Variants in ETHE1 observed in about 807,000 individuals in gnomAD.
ETHE1 encodes the protein ETHE1 persulfide dioxygenase.
In ETHE1, 16 loss-of-function variants were observed where a neutral mutation model predicts 25.7. The observed-to-expected ratio is 0.62, with a 90% CI of 0.42 to 0.95. The LOEUF is 0.95. ETHE1 is among the 40% of genes least tolerant of loss of function. The pLI is 0.00. For synonymous variants in ETHE1, 139 were observed against 135.9 expected, an observed-to-expected ratio of 1.02 and a Z score of -0.16; for missense variants, 300 against 333.6, an observed-to-expected ratio of 0.90 and a Z score of 0.79.
chr19:43,526,236 T>A lies in ETHE1; in HGVS notation c.340A>T (p.Ile114Phe), dbSNP rs143319354. The A allele has an allele frequency of 1.2e-4, 186 of 1,613,948 alleles. No individual in the cohort carries two copies. The African/African-American group carries it at 2.1e-3, about 18-fold the overall frequency. The change falls in exon 3 of 7, where the codon ATT becomes TTT. Residue 114 changes from isoleucine (I) to phenylalanine (F), a missense_variant. Coordinates refer to ENST00000292147, the MANE Select transcript of ETHE1 (RefSeq NM_014297.5). ...AAGCGGATGGAGTCTCCATCCTCAA[T>A]GTGTAAGTCAGCCTGGGCCCCACTA... ...RLSGAQADLH[I>F]EDGDSIRFGR...
At chr19:43,526,026 C>G in intron 3 of ETHE1, 175 bp downstream of exon 3, 2 of 877,014 alleles carry the variant, frequency 2.3e-6, no homozygotes, top group Non-Finnish European at 3.5e-6. Context: ...TGCCCCAGTG[C>G]CCCACCTGGG....
Position 43,523,236 on chromosome 19 carries a change from CCTTT to C in ETHE1, c.375+2961_375+2964del, listed in dbSNP as rs532277906. On this transcript the variant is annotated intron_variant, in intron 3 of 6. Transcript: ENST00000292147. ...CATACACATGTATAATATGTGGACTCCTTTCATTCCATGAATGTTAACAACTCGG... is the reference window on the plus strand; with the variant it reads ...CATACACATGTATAATATGTGGACTCCATTCCATGAATGTTAACAACTCGG... 7.4e-3 allele frequency among the ~76,000 whole-genome samples: 1,127 copies of C among 152,246 alleles called. 11 individuals carry two copies. The highest frequency in any genetic ancestry group is 0.026 in the African/African-American group (1,076 of 41,542).
intron 3 of ETHE1, 167 bp downstream of exon 3, chr19:43,526,034 G>A (rs2146018225): frequency 2.1e-6 from 2 of 973,800 alleles, no homozygotes; most frequent in Non-Finnish European, 3.1e-6. Flanking sequence ...TGCCCCACCT[G>A]GGTTTATGGT....
intron 3 of ETHE1, among the ~76,000 whole-genome samples, chr19:43,525,276 C>A (rs1972218750): frequency 6.6e-6 from 1 of 151,992 alleles, no homozygotes; most frequent in Non-Finnish European, 1.5e-5. Flanking sequence ...TTGCCTGCTT[C>A]CAGAGAAAGG....
At chr19:43,508,658 T>C in intron 5 of ETHE1, 117 bp downstream of exon 5, 1 of 902,596 alleles carries the variant, frequency 1.1e-6, no homozygotes, top group Non-Finnish European at 1.8e-6. Flanking sequence ...CACTTAATTT[T>C]TTTTGGCCAG....
chr19:43,522,770 A>G (rs4802185), intron 3 of ETHE1, among the ~76,000 whole-genome samples: 26,549 of 152,148 alleles, frequency 0.17, 2,410 homozygotes, highest in Non-Finnish European at 0.19. Flanking sequence ...CATGAGCCTG[A>G]CCTAAAATCC....
At chr19:43,519,459 CA>C (rs1972097153) in intron 3 of ETHE1, among the ~76,000 whole-genome samples, 1 of 152,166 alleles carries the variant, frequency 6.6e-6, no homozygotes, top group African/African-American at 2.4e-5. Context: ...ATTTCCGCAA[CA>C]GCCCAGCCTG....
intron 5 of ETHE1, among the ~76,000 whole-genome samples, chr19:43,508,346 C>CTTTTTTTTT: frequency 8.0e-6 from 1 of 124,710 alleles, no homozygotes. Context: ...CACTTTATCT[C>CTTTTTTTTT]TTTTTTTTTT....
intron 3 of ETHE1, among the ~76,000 whole-genome samples, chr19:43,512,099 G>A (rs1971930454): frequency 6.6e-6 from 1 of 152,184 alleles, no homozygotes; most frequent in Non-Finnish European, 1.5e-5. Flanking sequence ...CAGCCATGTG[G>A]AACTATGAGT....
intron 3 of ETHE1, among the ~76,000 whole-genome samples, chr19:43,517,168 A>G (rs1452907410): frequency 6.6e-6 from 1 of 151,386 alleles, no homozygotes; most frequent in African/African-American, 2.4e-5. Context: ...ATGCACCCAT[A>G]CAGCCATTCT....
intron 3 of ETHE1, among the ~76,000 whole-genome samples, chr19:43,525,157 A>C (rs1037142595): frequency 2.0e-5 from 3 of 151,856 alleles, no homozygotes; most frequent in African/African-American, 4.8e-5. Flanking sequence ...AAAGAAAGAA[A>C]AAAAAAAAAC....
Position 43,511,426 on chromosome 19 carries a change from G to A in ETHE1, c.505+11C>T. ...TATGAAGATCTTGGGCTGGATAAAG[G>A]AGCTGGTCACCTTGCTGGAAGTCTG... On this transcript the variant is annotated intron_variant, in intron 4 of 6. Transcript: ENST00000292147. 6.2e-7 allele frequency: 1 copy of A among 1,614,148 alleles called. No individual in the cohort carries two copies.
chr19:43,516,176 C>T (rs930214471), intron 3 of ETHE1, among the ~76,000 whole-genome samples: 6 of 152,080 alleles, frequency 3.9e-5, no homozygotes, highest in South Asian at 2.1e-4. Context: ...TTCTTGGATC[C>T]GGAATATATA....
At chr19:43,512,773 T>C (rs922042495) in intron 3 of ETHE1, among the ~76,000 whole-genome samples, 3 of 150,630 alleles carry the variant, frequency 2.0e-5, no homozygotes, top group African/African-American at 7.3e-5. Flanking sequence ...TGAGGAAAAA[T>C]TCAAGCCTGC....
At position 43,526,579 on chromosome 19, in the gene ETHE1, G is replaced by T. The variant is rs1454201974; in HGVS notation, c.162C>A (p.Val54=). 3 of 1,613,928 alleles carry T rather than the reference G, an allele frequency of 1.9e-6. No homozygotes were observed. The African/African-American group carries it at 4.0e-5, about 22-fold the overall frequency. The change falls in exon 2 of 7, where the codon GTC becomes GTA. Residue 54 remains valine, a synonymous_variant. Coordinates refer to ENST00000292147, the MANE Select transcript of ETHE1 (RefSeq NM_014297.5). ...GGGCATCCCGAGGCGCTGTTTCCAGGACTGGGTCGATCAGAACGGCCTCCC... is the reference window on the plus strand; with the variant it reads ...GGGCATCCCGAGGCGCTGTTTCCAGTACTGGGTCGATCAGAACGGCCTCCC... ...ESREAVLIDP[V]LETAPRDAQL...
At chr19:43,518,725 T>C (rs1600005104) in intron 3 of ETHE1, among the ~76,000 whole-genome samples, 1 of 120,888 alleles carries the variant, frequency 8.3e-6, no homozygotes, top group Admixed American at 1.1e-4. Context: ...CACTCCAGCC[T>C]GGGCGACAGA....
chr19:43,526,701 C>T (rs1194318765), intron 1 of ETHE1, 42 bp from the exon 2 acceptor site: 1 of 1,611,952 alleles, frequency 6.2e-7, no homozygotes, highest in Non-Finnish European at 8.5e-7. Context: ...AACCGGACTT[C>T]CACCCACTGG....
chr19:43,520,756 A>C (rs1015160354), intron 3 of ETHE1, among the ~76,000 whole-genome samples: 1 of 152,068 alleles, frequency 6.6e-6, no homozygotes, highest in African/African-American at 2.4e-5. Context: ...TTTTCATAAT[A>C]AAATGTTGGA....
In ETHE1 at chr19:43,518,693, G is replaced by T. The variant is rs553786154; in HGVS notation, c.376-7127C>A. On this transcript the variant is annotated intron_variant, in intron 3 of 6. Coordinates refer to ENST00000292147, the MANE Select transcript of ETHE1 (RefSeq NM_014297.5). ...ATGAACCCGGGAGGCGGAGCTTGCA[G>T]TGAGCCGAGATCGCACCACTGCACT... 6.2e-5 allele frequency among the ~76,000 whole-genome samples: 9 copies of T among 146,096 alleles called. No homozygotes were observed. The East Asian group carries it at 1.9e-3, about 30-fold the overall frequency.
Sources: allele counts gnomAD v4.1 joint callset (sites outside exome capture counted in the v4.1 genomes callset), GRCh38; gene constraint gnomAD v4.1.1; transcripts MANE v1.5; gene names NCBI Gene and HGNC (gene_info 2026-07-23, HGNC 2026-07-21).